HLA-B: variants seen among roughly 807,000 people sequenced by gnomAD.
The protein encoded by HLA-B is major histocompatibility complex, class I, B, also known as HLA class I antigen HLA-B.
In HLA-B, 31 loss-of-function variants were observed where a neutral mutation model predicts 41.5. That is an observed-to-expected ratio of 0.75 (90% CI 0.56 to 1.01). The LOEUF is 1.01. Ranked by LOEUF, HLA-B falls within the 50% of genes least tolerant of loss-of-function variation. HLA-B has a pLI of 0.00. For missense variants in HLA-B, 369 were observed against 457.2 expected (o/e 0.81, Z 1.76); for synonymous variants, 138 against 189.0 (o/e 0.73, Z 2.21).
intron 3 of HLA-B, 118 bp from the exon 4 acceptor site, chr6:31,355,710 AC>A: frequency 2.2e-6 from 2 of 892,452 alleles, no homozygotes; most frequent in Non-Finnish European, 3.4e-6. Flanking sequence ...GGGGCACAGA[AC>A]CCAGACACCA....
chr6:31,354,562 C>T lies in HLA-B; in HGVS notation c.1046-36G>A, dbSNP rs374312269. The T allele has an allele frequency of 4.1e-6, 6 of 1,455,454 alleles. 1 individual carries two copies. Among genetic ancestry groups the T allele is most frequent in the East Asian group, 5.9e-5 (2 of 34,060 alleles). 90.2% of individuals were successfully genotyped at this position (1,455,454 alleles called of 1,614,324 possible). A position where few individuals can be genotyped will look rare whatever the true frequency, so the allele number is the denominator to read the frequency against. On this transcript the variant is annotated intron_variant, in intron 6 of 7. Transcript: ENST00000412585. ...ACAAAAACAGGACCTGGTCAGAGCC[C>T]GCAGGAGACGTGGGACAGGAGGAAT...
chr6:31,355,346 C>T lies in HLA-B; in HGVS notation c.866G>A (p.Gly289Glu). ...TCTCAGGGTGAGGGGCTTCGGCAGCCCCTCATGCTGTACATGGCATGTGTA... is the reference window on the plus strand; with the variant it reads ...TCTCAGGGTGAGGGGCTTCGGCAGCTCCTCATGCTGTACATGGCATGTGTA... ...QRYTCHVQHE[G>E]LPKPLTLRWE... Residue 289 changes from glycine (G) to glutamate (E), a missense_variant, in exon 4 of 8, where the codon GGG (glycine) becomes GAG (glutamate). Transcript: ENST00000412585. 1 of 1,584,454 alleles carries T rather than the reference C, an allele frequency of 6.3e-7. No homozygotes were observed. Among genetic ancestry groups the T allele is most frequent in the Non-Finnish European group, 8.5e-7 (1 of 1,172,124 alleles).
Position 31,356,217 on chromosome 6 carries a change from TC to T in HLA-B, c.568del (p.Glu190SerfsTer24). 2 of 1,174,168 alleles carry T rather than the reference TC, an allele frequency of 1.7e-6. No homozygotes were observed. The highest frequency in any genetic ancestry group is 3.0e-4 in the Middle Eastern group (1 of 3,288). 72.7% of individuals were successfully genotyped at this position (1,174,168 alleles called of 1,614,324 possible). A position where few individuals can be genotyped will look rare whatever the true frequency, so the allele number is the denominator to read the frequency against. On this transcript the variant is annotated frameshift_variant, in exon 3 of 8. Coordinates refer to ENST00000412585, the MANE Select transcript of HLA-B (RefSeq NM_005514.8). LOFTEE classifies it high-confidence loss of function. Reference protein sequence around the residue: ...RRAYLEGECVEWLRRYLENGK... With the variant: ...RRAYLEGECVXWLRRYLENGK... ...GTTCTCCAGGTATCTGCGGAGCCACTCCACGCACTCGCCCTCCAGGTAGGCT... is the reference window on the plus strand; with the variant it reads ...GTTCTCCAGGTATCTGCGGAGCCACTCACGCACTCGCCCTCCAGGTAGGCT...
chr6:31,357,098 C>T lies in HLA-B; in HGVS notation c.61G>A (p.Glu21Lys), dbSNP rs1231905919. ...LLLSAALALT[E>K]TWAGSHSMRY... ...GACCCGCACTCACCGGCCCAGGTCT[C>T]GGTCAGGGCCAGGGCCGCCGAGAGC... is the stretch of plus-strand genomic sequence containing the variant. Residue 21 changes from glutamate (E) to lysine (K), a missense_variant, in exon 1 of 8, where the codon GAG becomes AAG. Glu to Lys is a moderately conservative substitution (Grantham distance 56, BLOSUM62 1). Coordinates refer to ENST00000412585, the MANE Select transcript of HLA-B (RefSeq NM_005514.8). 2.2e-6 allele frequency: 2 copies of T among 908,294 alleles called. 1 individual carries two copies. The highest frequency in any genetic ancestry group is 5.2e-5 in the South Asian group (2 of 38,658). 56.3% of individuals were successfully genotyped at this position (908,294 alleles called of 1,614,324 possible).
chr6:31,354,385 C>A, intron 7 of HLA-B, 89 bp from the exon 8 acceptor site: 1 of 459,084 alleles, frequency 2.2e-6, no homozygotes, highest in South Asian at 2.2e-5. Flanking sequence ...CGAAACATCC[C>A]AATCAAAGAA....
intron 7 of HLA-B, 46 bp from the exon 8 acceptor site, chr6:31,354,342 A>G (rs1006002378): frequency 7.5e-6 from 4 of 530,592 alleles, no homozygotes; most frequent in Non-Finnish European, 1.4e-5. Context: ...AGTCATGGTA[A>G]GCGATGACAC....
intron 7 of HLA-B, 51 bp downstream of exon 7, chr6:31,354,428 A>AACCCCCCCCCCCC: frequency 6.5e-5 from 10 of 153,846 alleles, no homozygotes; most frequent in South Asian, 2.6e-4. Flanking sequence ...CCTCTGCCCC[A>AACCCCCCCCCCCC]CCCACCCCCA....
At chr6:31,355,784 G>C (rs1420214273) in intron 3 of HLA-B, 192 bp from the exon 4 acceptor site, 1 of 688,836 alleles carries the variant, frequency 1.5e-6, no homozygotes, top group Non-Finnish European at 2.6e-6. Flanking sequence ...TCTGAGCGGG[G>C]AACAGGGACT....
rs41541416 is a variant in HLA-B at position 31,356,824 on chromosome 6, C to G, written c.207G>C (p.Glu69Asp). The change falls in exon 2 of 8, where the codon GAG (glutamate) becomes GAC (aspartate). Residue 69 changes from glutamate (E) to aspartate (D), a missense_variant. Glu to Asp is a conservative substitution (Grantham distance 45). Around this residue, in one of 6 missense-constraint regions of HLA-B, gnomAD observed 113 missense variants for 173.2 expected, o/e 0.65. Transcript: ENST00000412585. ...RFDSDAASPREEPRAPWIEQE... is the reference protein window; with the variant it reads ...RFDSDAASPRDEPRAPWIEQE... ...GCTCTATCCACGGCGCCCGCGGCTC[C>G]TCTCTCGGACTCGCGGCGTCGCTGT... 1.8e-6 allele frequency: 2 copies of G among 1,140,906 alleles called. No homozygotes were observed. Among genetic ancestry groups the G allele is most frequent in the Non-Finnish European group, 2.3e-6 (2 of 865,140 alleles). The allele number at this position is 1,140,906 out of a possible 1,614,324, so 70.7% of individuals were successfully genotyped here.
In HLA-B at chr6:31,356,354, G is replaced by C; in HGVS notation, c.432C>G (p.Gly144=). The C allele has an allele frequency of 8.7e-7, 1 of 1,147,280 alleles. No homozygotes were observed. Among genetic ancestry groups the C allele is most frequent in the Non-Finnish European group, 1.2e-6 (1 of 867,096 alleles). 71.1% of individuals were successfully genotyped at this position (1,147,280 alleles called of 1,614,324 possible). ...CCTCGTTCAGGGCGATGTAATCCTT[G>C]CCGTCGTAGGCGTACTGGTCATGCC... is the stretch of plus-strand genomic sequence containing the variant. ...LRGHDQYAYD[G]KDYIALNEDL... The change falls in exon 3 of 8, where the codon GGC becomes GGG. Residue 144 remains glycine, a synonymous_variant. Coordinates refer to ENST00000412585, the MANE Select transcript of HLA-B (RefSeq NM_005514.8).
At chr6:31,356,604 C>G (rs1767047949) in intron 2 of HLA-B, 84 bp downstream of exon 2, 1 of 1,156,844 alleles carries the variant, frequency 8.6e-7, no homozygotes, top group Non-Finnish European at 1.2e-6. Context: ...GGAGGCGGAT[C>G]TCGGACCCGG....
Position 31,356,418 on chromosome 6 carries a change from T to G in HLA-B, c.368A>C (p.Tyr123Ser), listed in dbSNP as rs151341218. 888 of 925,790 alleles carry G rather than the reference T, an allele frequency of 9.6e-4. 2 individuals are homozygous for G. The highest frequency in any genetic ancestry group is 4.2e-3 in the South Asian group (220 of 52,170). 57.3% of individuals were successfully genotyped at this position (925,790 alleles called of 1,614,324 possible). ...CCCGTCCGGCCCCACGTCGCAGCCG[T>G]ACATGCTCTGGAGGGTGTGAGACCC... ...EAGSHTLQSMYGCDVGPDGRL... is the reference protein window; with the variant it reads ...EAGSHTLQSMSGCDVGPDGRL... Residue 123 changes from tyrosine to serine, a missense_variant, in exon 3 of 8, where the codon TAC becomes TCC. Coordinates refer to ENST00000412585, the MANE Select transcript of HLA-B (RefSeq NM_005514.8).
intron 6 of HLA-B, 26 bp from the exon 7 acceptor site, chr6:31,354,552 G>A (rs1433336201): frequency 7.0e-7 from 1 of 1,423,728 alleles, no homozygotes; most frequent in South Asian, 1.2e-5. Context: ...AACAGGACCT[G>A]GTCAGAGCCC....
intron 5 of HLA-B, 40 bp from the exon 6 acceptor site, chr6:31,354,705 G>A: frequency 1.9e-6 from 2 of 1,080,970 alleles, no homozygotes; most frequent in African/African-American, 2.7e-5. Flanking sequence ...CTGGGAGGAA[G>A]CAGGGCCATG....
intron 7 of HLA-B, 43 bp downstream of exon 7, chr6:31,354,436 C>A (rs754606020): frequency 5.0e-6 from 2 of 400,450 alleles, no homozygotes; most frequent in African/African-American, 3.6e-5. Flanking sequence ...CCACCCACCC[C>A]CAGACCCGCC....
chr6:31,354,549 C>G, intron 6 of HLA-B, 23 bp from the exon 7 acceptor site: 1 of 1,411,236 alleles, frequency 7.1e-7, no homozygotes, highest in Non-Finnish European at 9.4e-7. Flanking sequence ...AAAAACAGGA[C>G]CTGGTCAGAG....
rs1207820266 is a variant in HLA-B, at chr6:31,354,054, C to T, written c.*247G>A. ...CGTAAAGTTGAGACAGAGATGGAGA[C>T]ATCCAGCCCCACCTCTCTGGAACAA... On this transcript the variant is annotated 3_prime_UTR_variant, in exon 8 of 8. Transcript: ENST00000412585. 49 of 421,828 alleles carry T rather than the reference C, an allele frequency of 1.2e-4. No individual in the cohort carries two copies. The highest frequency in any genetic ancestry group is 9.8e-4 in the Admixed American group (26 of 26,570). 26.1% of individuals were successfully genotyped at this position (421,828 alleles called of 1,614,324 possible).
intron 7 of HLA-B, 55 bp downstream of exon 7, chr6:31,354,424 C>CCCCCTT: frequency 3.1e-6 from 1 of 323,168 alleles, no homozygotes; most frequent in Non-Finnish European, 5.5e-6. Context: ...TTCCCCTCTG[C>CCCCCTT]CCCACCCACC....
chr6:31,356,699 TG>T lies in HLA-B; in HGVS notation c.331del (p.Gln111ArgfsTer40). The T allele has an allele frequency of 7.3e-7, 1 of 1,363,382 alleles. No individual in the cohort carries two copies. Among genetic ancestry groups the T allele is most frequent in the Non-Finnish European group, 9.7e-7 (1 of 1,031,776 alleles). 84.5% of individuals were successfully genotyped at this position (1,363,382 alleles called of 1,614,324 possible). Reference sequence around the variant, plus strand: ...CCGGGGTCACTCACCGGCCTCGCTCTGGTTGTAGTAGCCGCGCAGGTTCCGC... The same window carrying T: ...CCGGGGTCACTCACCGGCCTCGCTCTGTTGTAGTAGCCGCGCAGGTTCCGC... ...SLRNLRGYYN[Q>X]SEAGSHTLQS... On this transcript the variant is annotated frameshift_variant, in exon 2 of 8. Transcript: ENST00000412585. LOFTEE classifies it high-confidence loss of function.
Sources: gnomAD v4.1 joint callset for allele counts on GRCh38, gnomAD v4.1.1 for gene constraint, gnomAD v4.1.1 regional missense constraint, MANE v1.5 for transcripts, NCBI Gene and HGNC (gene_info 2026-07-23, HGNC 2026-07-21) for gene names.